LUZP2: variants seen among roughly 807,000 people sequenced by gnomAD.
LUZP2 encodes leucine zipper protein 2.
A neutral mutation model predicts 51.6 loss-of-function variants in LUZP2; 52 were observed. The ratio of observed to expected loss-of-function variants is 1.01; its 90% CI spans 0.81 to 1.27. LUZP2 has a LOEUF of 1.27. LUZP2 is among the 50% of genes most tolerant of loss of function. The probability of loss-of-function intolerance (pLI) is 0.00; values close to 1 mark genes in which losing one functional copy is unlikely to be tolerated. For missense variants in LUZP2, 436 were observed against 395.4 expected (o/e 1.10, Z -0.87); for synonymous variants, 154 against 137.3 (o/e 1.12, Z -0.85).
intron 5 of LUZP2, among the ~76,000 whole-genome samples, chr11:24,776,214 T>G (rs1848914717): frequency 6.6e-6 from 1 of 152,210 alleles, no homozygotes; most frequent in South Asian, 2.1e-4. Flanking sequence ...TCTTTCCACA[T>G]GTCAGACAAG....
intron 5 of LUZP2, among the ~76,000 whole-genome samples, chr11:24,792,136 T>C (rs1202926273): frequency 6.6e-6 from 1 of 151,996 alleles, no homozygotes; most frequent in Non-Finnish European, 1.5e-5. Flanking sequence ...TTCAAAGAAA[T>C]ATAACTTTAT....
chr11:24,732,345 C>T (rs1858744375), intron 3 of LUZP2, among the ~76,000 whole-genome samples, 157 bp downstream of exon 3: 1 of 151,728 alleles, frequency 6.6e-6, no homozygotes, highest in African/African-American at 2.4e-5. Context: ...TGTTCAAATG[C>T]AGATTCTTAC....
intron 1 of LUZP2, among the ~76,000 whole-genome samples, chr11:24,523,498 C>CAAAA (rs61432027): frequency 0.087 from 12,886 of 148,254 alleles, 1,461 homozygotes; most frequent in African/African-American, 0.27. Context: ...CTTTTTTTTA[C>CAAAA]AAAAAAAAGA....
chr11:24,638,022 C>A (rs1454246401), intron 1 of LUZP2, among the ~76,000 whole-genome samples: 4 of 151,776 alleles, frequency 2.6e-5, no homozygotes, highest in African/African-American at 9.7e-5. Context: ...TATAAAATTT[C>A]TCTCTTTGTA....
At chr11:25,016,855 T>C (rs1016242303) in intron 9 of LUZP2, among the ~76,000 whole-genome samples, 8 of 152,098 alleles carry the variant, frequency 5.3e-5, no homozygotes, top group African/African-American at 1.9e-4. Context: ...CGTCACACGT[T>C]TTTCATAGAG....
chr11:24,602,110 GTA>G (rs1273165035), intron 1 of LUZP2, among the ~76,000 whole-genome samples: 2 of 88,426 alleles, frequency 2.3e-5, no homozygotes, highest in African/African-American at 1.0e-4. Context: ...GTGTATATGT[GTA>G]TATATGTATA....
intron 5 of LUZP2, among the ~76,000 whole-genome samples, chr11:24,837,247 A>G (rs1159665828): frequency 6.6e-6 from 1 of 151,788 alleles, no homozygotes; most frequent in East Asian, 1.9e-4. Flanking sequence ...TTGACTTGTT[A>G]AACTATGTTA....
intron 7 of LUZP2, among the ~76,000 whole-genome samples, chr11:24,948,186 G>A (rs1854951528): frequency 6.6e-6 from 1 of 150,678 alleles, no homozygotes; most frequent in Non-Finnish European, 1.5e-5. Context: ...TTTCCTCCAG[G>A]ACAAATATAG....
intron 1 of LUZP2, among the ~76,000 whole-genome samples, chr11:24,710,772 A>G (rs904209889): frequency 1.3e-5 from 2 of 152,066 alleles, no homozygotes; most frequent in African/African-American, 4.8e-5. Flanking sequence ...TTTTTTTGCA[A>G]TTATGTATTT....
At chr11:25,062,440 T>A (rs113333698) in intron 10 of LUZP2, among the ~76,000 whole-genome samples, 53,435 of 146,782 alleles carry the variant, frequency 0.36, 12,349 homozygotes, top group East Asian at 0.76. Flanking sequence ...AAAAAATATA[T>A]ATATCTGCAT....
At chr11:25,075,157 TAC>T (rs1351702343) in intron 10 of LUZP2, among the ~76,000 whole-genome samples, 1 of 152,182 alleles carries the variant, frequency 6.6e-6, no homozygotes, top group African/African-American at 2.4e-5. Context: ...TTATAAATCA[TAC>T]AACAAGAAAT....
intron 1 of LUZP2, among the ~76,000 whole-genome samples, chr11:24,624,977 G>A (rs773386861): frequency 9.2e-5 from 14 of 152,142 alleles, no homozygotes; most frequent in Non-Finnish European, 1.3e-4. Flanking sequence ...GTGAGACAGA[G>A]GGAGCAATTG....
chr11:24,894,267 C>T (rs921032124), intron 5 of LUZP2, among the ~76,000 whole-genome samples: 18 of 151,352 alleles, frequency 1.2e-4, no homozygotes, highest in African/African-American at 4.4e-4. Flanking sequence ...CTCCGCCTCC[C>T]GGGTTCAAGC....
chr11:24,707,270 C>A (rs1359463594), intron 1 of LUZP2, among the ~76,000 whole-genome samples: 1 of 149,064 alleles, frequency 6.7e-6, no homozygotes, highest in African/African-American at 2.6e-5. Flanking sequence ...AGAGCTCACT[C>A]TTTCTATCTC....
chr11:24,823,377 C>G (rs975771850), intron 5 of LUZP2, among the ~76,000 whole-genome samples: 1 of 73,000 alleles, frequency 1.4e-5, no homozygotes, highest in Non-Finnish European at 2.8e-5. Context: ...GAATAGGAAA[C>G]AAATGAATTC....
intron 1 of LUZP2, among the ~76,000 whole-genome samples, chr11:24,722,645 C>G (rs1421130033): frequency 6.6e-6 from 1 of 152,064 alleles, no homozygotes; most frequent in East Asian, 1.9e-4. Context: ...GGGCCAGGCA[C>G]AGTGGTTCAT....
chr11:24,612,129 A>G (rs1447541894), intron 1 of LUZP2, among the ~76,000 whole-genome samples: 4 of 152,144 alleles, frequency 2.6e-5, no homozygotes, highest in Non-Finnish European at 4.4e-5. Flanking sequence ...TTAAAACCCA[A>G]TTAAATTTAG....
At chr11:24,621,376 A>G (rs1238699721) in intron 1 of LUZP2, among the ~76,000 whole-genome samples, 1 of 152,104 alleles carries the variant, frequency 6.6e-6, no homozygotes, top group Non-Finnish European at 1.5e-5. Flanking sequence ...CAGCAATATC[A>G]CATTGCATTT....
At chr11:24,814,681 G>A (rs1243976526) in intron 5 of LUZP2, among the ~76,000 whole-genome samples, 1 of 152,112 alleles carries the variant, frequency 6.6e-6, no homozygotes, top group African/African-American at 2.4e-5. Flanking sequence ...TGCGTTTGAA[G>A]TTTCTCAGTG....
Sources: allele counts gnomAD v4.1 joint callset (sites outside exome capture counted in the v4.1 genomes callset), GRCh38; gene constraint gnomAD v4.1.1; transcripts MANE v1.5; gene names NCBI Gene and HGNC (gene_info 2026-07-23, HGNC 2026-07-21).